Variants in PRAMEF12 observed in about 807,000 individuals in gnomAD.
PRAMEF12 encodes PRAME family member 12.
PRAMEF12 carries 24 observed loss-of-function variants against 24.6 expected under a neutral mutation model. The ratio of observed to expected loss-of-function variants is 0.98; its 90% CI spans 0.71 to 1.37. The LOEUF (loss-of-function observed/expected upper bound fraction) is 1.37. Among genes scored for constraint, PRAMEF12 ranks in the 40% most tolerant of loss-of-function variants. PRAMEF12 has a pLI of 0.00. For missense variants in PRAMEF12, 646 were observed against 580.3 expected (o/e 1.11, Z -1.16); for synonymous variants, 286 against 242.6 (o/e 1.18, Z -1.66).
rs760897801 is a variant in PRAMEF12 at position 12,775,577 on chromosome 1, G to A, written c.322G>A (p.Val108Met). 1 of 1,613,238 alleles carries A rather than the reference G, an allele frequency of 6.2e-7. No individual in the cohort carries two copies. The highest frequency in any genetic ancestry group is 1.1e-5 in the South Asian group (1 of 91,042). The change falls in exon 2 of 3, where the codon GTG becomes ATG. Residue 108 changes from valine (V) to methionine (M), a missense_variant. Physicochemically the swap from Val to Met is conservative, Grantham distance 21. Transcript: ENST00000357726. ...ACTTCAAGTGTTGGACTTGCGGAAT[G>A]TGGATGAGAACTTCTGGGGCATATG... ...WKLQVLDLRN[V>M]DENFWGIWSG...
chr1:12,777,647 T>G lies in PRAMEF12; in HGVS notation c.*48T>G, dbSNP rs1370634893. 1 of 1,601,106 alleles carries G rather than the reference T, an allele frequency of 6.2e-7. No individual in the cohort carries two copies. The highest frequency in any genetic ancestry group is 1.7e-5 in the Admixed American group (1 of 59,668). On this transcript the variant is annotated 3_prime_UTR_variant, in exon 3 of 3. Transcript: ENST00000357726. ...AACTGAATCCTAGGCCATGAGTGTA[T>G]GTCAAAGGGAGCACAGACCCATCGT... is the stretch of plus-strand genomic sequence containing the variant.
rs533143381 is a variant in PRAMEF12, at chr1:12,777,623, A to G, written c.*24A>G. ...AAAGCTTTCTTCTGGTCATTTGGCA[A>G]CTGAATCCTAGGCCATGAGTGTATG... On this transcript the variant is annotated 3_prime_UTR_variant, in exon 3 of 3. Transcript: ENST00000357726. 13 of 1,612,710 alleles carry G rather than the reference A, an allele frequency of 8.1e-6. No homozygotes were observed. The East Asian group carries it at 1.8e-4, about 22-fold the overall frequency.
chr1:12,776,260 G>T, intron 2 of PRAMEF12, 142 bp downstream of exon 2: 3 of 882,888 alleles, frequency 3.4e-6, no homozygotes, highest in Non-Finnish European at 5.4e-6. Flanking sequence ...GCATTGTCCT[G>T]TTGGCAGCTC....
rs367786450 is a variant in PRAMEF12 at position 12,775,116 on chromosome 1, G to A, written c.249G>A (p.Glu83=). Residue 83 remains glutamate, a synonymous_variant, in exon 1 of 3, where the codon GAG becomes GAA. Transcript: ENST00000357726. The part of the protein sequence containing the change: ...CNLEIFRAVL[E]GLDALLAQKV... ...TAGAGATCTTTCGAGCTGTGCTGGA[G>A]GGGCTTGATGCACTGCTTGCCCAGA... is the stretch of plus-strand genomic sequence containing the variant. The A allele has an allele frequency of 6.2e-7, 1 of 1,613,790 alleles. No individual in the cohort carries two copies. The highest frequency in any genetic ancestry group is 8.5e-7 in the Non-Finnish European group (1 of 1,179,800).
Position 12,777,735 on chromosome 1 carries a change from G to T in PRAMEF12, c.*136G>T. 1 of 1,039,394 alleles carries T rather than the reference G, an allele frequency of 9.6e-7. No individual in the cohort carries two copies. 64.4% of individuals were successfully genotyped at this position (1,039,394 alleles called of 1,614,324 possible). A position where few individuals can be genotyped will look rare whatever the true frequency, so the allele number is the denominator to read the frequency against. Reference sequence around the variant, plus strand: ...GGATGCAGGAAGGGAGGGACTGGGGGAAAAGTTGAGTTGGAGTCAATAGGA... The same window carrying T: ...GGATGCAGGAAGGGAGGGACTGGGGTAAAAGTTGAGTTGGAGTCAATAGGA... On this transcript the variant is annotated 3_prime_UTR_variant, in exon 3 of 3. Coordinates refer to ENST00000357726, the MANE Select transcript of PRAMEF12 (RefSeq NM_001080830.5).
Position 12,776,176 on chromosome 1 carries a change from G to C in PRAMEF12, c.863+58G>C. 3 of 1,533,532 alleles carry C rather than the reference G, an allele frequency of 2.0e-6. No individual in the cohort carries two copies. In the South Asian group the frequency reaches 3.4e-5, roughly 18 times the overall value. The allele number at this position is 1,533,532 out of a possible 1,614,324, so 95.0% of individuals were successfully genotyped here. On this transcript the variant is annotated intron_variant, in intron 2 of 2. Coordinates refer to ENST00000357726, the MANE Select transcript of PRAMEF12 (RefSeq NM_001080830.5). ...CGCAGCAAAGACTTTCTTTATTACT[G>C]TAAACACCAGGGGGTATCTACTGTG...
At position 12,777,058 on chromosome 1, in the gene PRAMEF12, T is replaced by G; in HGVS notation, c.911T>G (p.Leu304Arg). Residue 304 changes from leucine to arginine, a missense_variant, in exon 3 of 3, where the codon CTG becomes CGG. Leu to Arg is a moderately radical substitution (Grantham distance 102). Coordinates refer to ENST00000357726, the MANE Select transcript of PRAMEF12 (RefSeq NM_001080830.5). ...ACAGTCGTAATGACCGAATGCCTGCTGTCAGAGTCGGACCTGAAGCATCTC... is the reference window on the plus strand; with the variant it reads ...ACAGTCGTAATGACCGAATGCCTGCGGTCAGAGTCGGACCTGAAGCATCTC... Reference protein sequence around the residue: ...LETVVMTECLLSESDLKHLSW... With the variant: ...LETVVMTECLRSESDLKHLSW... The G allele has an allele frequency of 4.3e-6, 7 of 1,614,070 alleles. No homozygotes were observed. The highest frequency in any genetic ancestry group is 5.9e-6 in the Non-Finnish European group (7 of 1,179,986).
chr1:12,776,235 C>A, intron 2 of PRAMEF12, 117 bp downstream of exon 2: 1 of 1,059,438 alleles, frequency 9.4e-7, no homozygotes, highest in Non-Finnish European at 1.4e-6. Flanking sequence ...GCGAAGGGGA[C>A]ACTAGAATGT....
At position 12,777,671 on chromosome 1, in the gene PRAMEF12, G is replaced by A. The variant is rs961294021; in HGVS notation, c.*72G>A. On this transcript the variant is annotated 3_prime_UTR_variant, in exon 3 of 3. Transcript: ENST00000357726. ...ATGTCAAAGGGAGCACAGACCCATC[G>A]TTTCATATGCCTGCTCAATGTGAAC... 4.5e-5 allele frequency: 69 copies of A among 1,531,324 alleles called. No individual in the cohort carries two copies. The highest frequency in any genetic ancestry group is 5.1e-5 in the Non-Finnish European group (57 of 1,117,690). 94.9% of individuals were successfully genotyped at this position (1,531,324 alleles called of 1,614,324 possible).
At position 12,776,052 on chromosome 1, in the gene PRAMEF12, A is replaced by T. The variant is rs762460408; in HGVS notation, c.797A>T (p.Asp266Val). 9.3e-6 allele frequency: 15 copies of T among 1,614,084 alleles called. No homozygotes were observed. The Admixed American group carries it at 2.3e-4, about 25-fold the overall frequency. ...TTCACCTCTCAGTTCCTCAAGCTGG[A>T]CTACTTCCAGAAGCTTTACATGCAC... The part of the protein sequence containing the change: ...IQFTSQFLKL[D>V]YFQKLYMHSV... The change falls in exon 2 of 3, where the codon GAC (aspartate) becomes GTC (valine). Residue 266 changes from aspartate (D) to valine (V), a missense_variant. Transcript: ENST00000357726.
Position 12,775,032 on chromosome 1 carries a change from G to A in PRAMEF12, c.165G>A (p.Met55Ile). Reference protein sequence around the residue: ...TRRCCETLTTMVQAWPFTCLP... With the variant: ...TRRCCETLTTIVQAWPFTCLP... ...GATGCTGCGAGACCCTGACAACTAT[G>A]GTGCAGGCCTGGCCCTTCACCTGCC... The change falls in exon 1 of 3, where the codon ATG (methionine) becomes ATA (isoleucine). Residue 55 changes from methionine (M) to isoleucine (I), a missense_variant. By Grantham distance (10) the Met-to-Ile change is conservative. Coordinates refer to ENST00000357726, the MANE Select transcript of PRAMEF12 (RefSeq NM_001080830.5). 1 of 1,614,134 alleles carries A rather than the reference G, an allele frequency of 6.2e-7. No individual in the cohort carries two copies. The highest frequency in any genetic ancestry group is 1.3e-5 in the African/African-American group (1 of 75,024).
chr1:12,776,093 G>T lies in PRAMEF12; in HGVS notation c.838G>T (p.Glu280Ter), dbSNP rs374541460. Residue 280 changes from glutamate to a stop codon, truncating the protein, a stop_gained, in exon 2 of 3, where the codon GAA (glutamate) becomes TAA (stop). Coordinates refer to ENST00000357726, the MANE Select transcript of PRAMEF12 (RefSeq NM_001080830.5). LOFTEE classifies it low-confidence loss of function (END_TRUNC). The part of the protein sequence containing the change: ...KLYMHSVSFL[E>*]GHLDQLLRCL... ...TTACATGCACTCTGTCTCTTTCCTC[G>T]AAGGCCACCTGGACCAGCTGCTCAG... is the stretch of plus-strand genomic sequence containing the variant. The T allele has an allele frequency of 6.2e-7, 1 of 1,613,962 alleles. No homozygotes were observed.
Position 12,776,227 on chromosome 1 carries a change from GA to G in PRAMEF12, c.863+111del. The G allele has an allele frequency of 2.6e-6, 3 of 1,138,134 alleles. No individual in the cohort carries two copies. In the South Asian group the frequency reaches 4.1e-5, roughly 16 times the overall value. The allele number at this position is 1,138,134 out of a possible 1,614,324, so 70.5% of individuals were successfully genotyped here. ...AGCCAGCTTGTGAGGAGGTAACAGC[GA>G]AGGGGACACTAGAATGTCCATGCAT... is the stretch of plus-strand genomic sequence containing the variant. On this transcript the variant is annotated intron_variant, in intron 2 of 2. Transcript: ENST00000357726.
chr1:12,777,740 G>C lies in PRAMEF12; in HGVS notation c.*141G>C, dbSNP rs1639079275. On this transcript the variant is annotated 3_prime_UTR_variant, in exon 3 of 3. Transcript: ENST00000357726. The stretch of plus-strand genomic sequence containing the variant: ...CAGGAAGGGAGGGACTGGGGGAAAA[G>C]TTGAGTTGGAGTCAATAGGAGCTTT... 1.0e-6 allele frequency: 1 copy of C among 998,474 alleles called. No individual in the cohort carries two copies. Among genetic ancestry groups the C allele is most frequent in the African/African-American group, 1.6e-5 (1 of 60,980 alleles). The allele number at this position is 998,474 out of a possible 1,614,324, so 61.9% of individuals were successfully genotyped here. A position where few individuals can be genotyped will look rare whatever the true frequency, so the allele number is the denominator to read the frequency against.
chr1:12,776,234 A>G, intron 2 of PRAMEF12, 116 bp downstream of exon 2: 1 of 1,075,448 alleles, frequency 9.3e-7, no homozygotes, highest in Non-Finnish European at 1.4e-6. Flanking sequence ...AGCGAAGGGG[A>G]CACTAGAATG....
rs1417725663 is a variant in PRAMEF12, at chr1:12,775,926, C to T, written c.671C>T (p.Pro224Leu). 1 of 1,614,136 alleles carries T rather than the reference C, an allele frequency of 6.2e-7. No homozygotes were observed. Among genetic ancestry groups the T allele is most frequent in the Non-Finnish European group, 8.5e-7 (1 of 1,180,024 alleles). Residue 224 changes from proline to leucine, a missense_variant, in exon 2 of 3, where the codon CCT becomes CTT. Coordinates refer to ENST00000357726, the MANE Select transcript of PRAMEF12 (RefSeq NM_001080830.5). ...CTGTCCATTCTTATAAGGTTCGCCC[C>T]TTACCTGGGCCAGATGAGGAATCTC... ...WELSILIRFA[P>L]YLGQMRNLRK... is the part of the protein sequence containing the mutation.
Position 12,777,580 on chromosome 1 carries a change from G to C in PRAMEF12, c.1433G>C (p.Cys478Ser), listed in dbSNP as rs752667278. The stretch of plus-strand genomic sequence containing the variant: ...AGTCACTGTCTGTTGAATGCCTGCT[G>C]TCAGGGTGGATTTATTTAAAGCTTT... ...EPSHCLLNAC[C>S]QGGFI Residue 478 changes from cysteine to serine, a missense_variant, in exon 3 of 3, where the codon TGT becomes TCT. Coordinates refer to ENST00000357726, the MANE Select transcript of PRAMEF12 (RefSeq NM_001080830.5). 44 of 1,614,080 alleles carry C rather than the reference G, an allele frequency of 2.7e-5. No individual in the cohort carries two copies. Among genetic ancestry groups the C allele is most frequent in the Non-Finnish European group, 3.6e-5 (43 of 1,180,038 alleles).
rs1039118999 is a variant in PRAMEF12 at position 12,775,224 on chromosome 1, A to G, written c.287+70A>G. The stretch of plus-strand genomic sequence containing the variant: ...GGGTAGGGTTAGCTGGGTCAGAAGG[A>G]GTGGGAGGCCCAAGGGTGGCCCAGA... On this transcript the variant is annotated intron_variant, in intron 1 of 2. Transcript: ENST00000357726. 7 of 1,508,600 alleles carry G rather than the reference A, an allele frequency of 4.6e-6. No individual in the cohort carries two copies. In the African/African-American group the frequency reaches 8.4e-5, roughly 18 times the overall value. The allele number at this position is 1,508,600 out of a possible 1,614,324, so 93.5% of individuals were successfully genotyped here. A position where few individuals can be genotyped will look rare whatever the true frequency, so the allele number is the denominator to read the frequency against.
Position 12,777,661 on chromosome 1 carries a change from C to T in PRAMEF12, c.*62C>T, listed in dbSNP as rs1463524014. On this transcript the variant is annotated 3_prime_UTR_variant, in exon 3 of 3. Coordinates refer to ENST00000357726, the MANE Select transcript of PRAMEF12 (RefSeq NM_001080830.5). ...CCATGAGTGTATGTCAAAGGGAGCA[C>T]AGACCCATCGTTTCATATGCCTGCT... 11 of 1,573,196 alleles carry T rather than the reference C, an allele frequency of 7.0e-6. No homozygotes were observed. The highest frequency in any genetic ancestry group is 9.6e-6 in the Non-Finnish European group (11 of 1,149,946).
Sources: allele counts gnomAD v4.1 joint callset, GRCh38; gene constraint gnomAD v4.1.1; transcripts MANE v1.5; gene names NCBI Gene and HGNC (gene_info 2026-07-23, HGNC 2026-07-21).